The following RAB11FIP3 variants were observed in gnomAD, a reference collection of about 807,000 sequenced individuals.
The protein encoded by RAB11FIP3 is rab11 family-interacting protein 3.
Under a neutral mutation model 77.8 loss-of-function variants are expected in RAB11FIP3, and 17 were observed. The observed-to-expected ratio is 0.22, with a 90% CI of 0.15 to 0.33. RAB11FIP3 has a LOEUF of 0.33. Ranked by LOEUF, RAB11FIP3 falls within the 10% of genes least tolerant of loss-of-function variation. The probability of loss-of-function intolerance (pLI) is 1.00; values close to 1 mark genes in which losing one functional copy is unlikely to be tolerated. For missense variants in RAB11FIP3, 1,005 were observed against 1,011.2 expected, an observed-to-expected ratio of 0.99 and a Z score of 0.08; for synonymous variants, 437 against 448.2, an observed-to-expected ratio of 0.98 and a Z score of 0.31.
intron 2 of RAB11FIP3, among the ~76,000 whole-genome samples, chr16:468,415 G>A (rs1191909235): frequency 1.3e-5 from 2 of 151,884 alleles, no homozygotes; most frequent in African/African-American, 4.8e-5. Flanking sequence ...TTTATGTTTC[G>A]TTCGGAAGGA....
intron 1 of RAB11FIP3, among the ~76,000 whole-genome samples, chr16:448,738 G>GAA (rs34545276): frequency 2.3e-5 from 2 of 88,144 alleles, no homozygotes; most frequent in African/African-American, 4.5e-5. Context: ...TCCGTCTCAA[G>GAA]AAAAAAAAAA....
chr16:492,724 G>A (rs61324938), intron 5 of RAB11FIP3, among the ~76,000 whole-genome samples: 7 of 152,094 alleles, frequency 4.6e-5, no homozygotes, highest in Non-Finnish European at 7.4e-5. Flanking sequence ...GTGCAAGCAT[G>A]TCATCTCCGT....
intron 9 of RAB11FIP3, among the ~76,000 whole-genome samples, chr16:515,868 G>T (rs1388901207): frequency 6.6e-6 from 1 of 152,190 alleles, no homozygotes; most frequent in Non-Finnish European, 1.5e-5. Context: ...CACACAGGAG[G>T]GTCCCCACCC....
Position 433,066 on chromosome 16 carries a change from G to A in RAB11FIP3, c.714+6346G>A, listed in dbSNP as rs1225002897. On this transcript the variant is annotated intron_variant, in intron 1 of 13. Coordinates refer to ENST00000262305, the MANE Select transcript of RAB11FIP3 (RefSeq NM_014700.4). ...TTTTTTTTTTTGAGACATAGTCTCTGTCTCTTGCCCAGGCTGGAGTGCAGT... is the reference window on the plus strand; with the variant it reads ...TTTTTTTTTTTGAGACATAGTCTCTATCTCTTGCCCAGGCTGGAGTGCAGT... 3.5e-5 allele frequency among the ~76,000 whole-genome samples: 3 copies of A among 85,274 alleles called. 1 individual carries two copies. In the Admixed American group the frequency reaches 4.4e-4, roughly 12 times the overall value. 55.9% of individuals were successfully genotyped at this position (85,274 alleles called of 152,430 possible).
chr16:492,477 CCCAGGGCCCTCCCGGGAGACCCGAGG>C (rs2030591485), intron 5 of RAB11FIP3, among the ~76,000 whole-genome samples: 1 of 51,684 alleles, frequency 1.9e-5, no homozygotes, highest in African/African-American at 1.5e-4. Context: ...CCCGAGGCCG[CCCAGGGCCCTCCCGGGAGACCCGAGG>C]CCGCCCAGGG....
chr16:445,162 G>T (rs1361470409), intron 1 of RAB11FIP3, among the ~76,000 whole-genome samples: 1 of 147,708 alleles, frequency 6.8e-6, no homozygotes, highest in East Asian at 2.0e-4. Context: ...GCTGGGTGCG[G>T]TGGCTCACAC....
intron 5 of RAB11FIP3, among the ~76,000 whole-genome samples, chr16:495,747 G>A (rs1596277937): frequency 6.6e-6 from 1 of 152,260 alleles, no homozygotes; most frequent in African/African-American, 2.4e-5. Flanking sequence ...TTCTCCTCCA[G>A]TAGATTTCTT....
chr16:446,309 T>C (rs1400240565), intron 1 of RAB11FIP3, among the ~76,000 whole-genome samples: 1 of 152,090 alleles, frequency 6.6e-6, no homozygotes, highest in Non-Finnish European at 1.5e-5. Flanking sequence ...GTATCTGAAA[T>C]TGGTTGTCTA....
At chr16:492,386 A>AGGGCCCTCCCCGGG (rs1567391915) in intron 5 of RAB11FIP3, among the ~76,000 whole-genome samples, 9 of 143,390 alleles carry the variant, frequency 6.3e-5, no homozygotes, top group East Asian at 4.0e-4. Context: ...GAGGCCGCCC[A>AGGGCCCTCCCCGGG]GAGCCCTCCC....
intron 3 of RAB11FIP3, among the ~76,000 whole-genome samples, chr16:481,000 G>T (rs1299941314): frequency 1.7e-5 from 1 of 60,194 alleles, no homozygotes; most frequent in East Asian, 3.6e-4. Flanking sequence ...GTAGAGACGG[G>T]GTTTTTCCAT....
At chr16:492,997 C>T (rs2030726879) in intron 5 of RAB11FIP3, among the ~76,000 whole-genome samples, 1 of 152,154 alleles carries the variant, frequency 6.6e-6, no homozygotes. Context: ...CCTGTAATCT[C>T]AGCATTTTGG....
At chr16:492,653 G>T (rs2030677777) in intron 5 of RAB11FIP3, among the ~76,000 whole-genome samples, 2 of 152,136 alleles carry the variant, frequency 1.3e-5, no homozygotes, top group African/African-American at 4.8e-5. Flanking sequence ...CAGCCTGCTT[G>T]GGGAGGGGCC....
intron 3 of RAB11FIP3, among the ~76,000 whole-genome samples, chr16:475,592 G>T (rs190293747): frequency 1.3e-5 from 2 of 152,176 alleles, no homozygotes; most frequent in Non-Finnish European, 2.9e-5. Context: ...AAACCAACCC[G>T]CAGGGCTGAA....
At chr16:438,672 A>G (rs1049658195) in intron 1 of RAB11FIP3, among the ~76,000 whole-genome samples, 2 of 148,596 alleles carry the variant, frequency 1.3e-5, no homozygotes, top group Non-Finnish European at 3.0e-5. Flanking sequence ...GCATGAGCCA[A>G]TGTGTCTGGC....
intron 3 of RAB11FIP3, chr16:474,913 G>A (rs540153153): frequency 4.2e-5 from 64 of 1,533,418 alleles, no homozygotes; most frequent in Middle Eastern, 3.4e-4. Flanking sequence ...CCAGGTGAGC[G>A]CACAGGCTTT....
intron 12 of RAB11FIP3, 79 bp from the exon 13 acceptor site, chr16:520,379 CT>C (rs2032628638): frequency 1.8e-5 from 28 of 1,590,934 alleles, no homozygotes; most frequent in Admixed American, 6.8e-5. Context: ...AGCTGGAGGC[CT>C]TTTTCCCCGG....
intron 6 of RAB11FIP3, among the ~76,000 whole-genome samples, chr16:501,521 G>A (rs188033332): frequency 2.8e-4 from 39 of 137,720 alleles, no homozygotes; most frequent in South Asian, 2.4e-3. Context: ...AGGCAAGGAA[G>A]CTCGGAGAGG....
At position 432,948 on chromosome 16, in the gene RAB11FIP3, T is replaced by C. The variant is rs147723691; in HGVS notation, c.714+6228T>C. On this transcript the variant is annotated intron_variant, in intron 1 of 13. Transcript: ENST00000262305. ...TGATAGAAATATTTGTACATATTCA[T>C]GGGATGGGTACATGTGGTATTTTGT... is the stretch of plus-strand genomic sequence containing the variant. Among the ~76,000 whole-genome samples the C allele has an allele frequency of 1.2e-3, 182 of 148,100 alleles. No individual in the cohort carries two copies. In the East Asian group the frequency reaches 0.021, roughly 17 times the overall value.
rs781697637 is a variant in RAB11FIP3 at position 519,816 on chromosome 16, G to A, written c.1785G>A (p.Glu595=). ...CGCTGCGGCTCAGTGAAGAGCAGGA[G>A]AACAAGAGGAGAATGGGGGACAGGC... ...SLTLRLSEEQ[E]NKRRMGDRLS... The change falls in exon 11 of 14, where the codon GAG becomes GAA. Residue 595 remains glutamate, a synonymous_variant. Transcript: ENST00000262305. The A allele has an allele frequency of 4.4e-6, 7 of 1,607,120 alleles. No homozygotes were observed. The South Asian group carries it at 7.8e-5, about 18-fold the overall frequency.
Sources: gnomAD v4.1 joint callset for allele counts (sites outside exome capture counted in the v4.1 genomes callset) on GRCh38, gnomAD v4.1.1 for gene constraint, MANE v1.5 for transcripts, NCBI Gene and HGNC (gene_info 2026-07-23, HGNC 2026-07-21) for gene names.